Variants in FBXO46 observed in about 807,000 individuals in gnomAD.
FBXO46 encodes F-box protein 46.
A neutral mutation model predicts 30.7 loss-of-function variants in FBXO46; 13 were observed. The ratio of observed to expected loss-of-function variants is 0.42; its 90% CI spans 0.28 to 0.67. The LOEUF (loss-of-function observed/expected upper bound fraction) is 0.67. FBXO46 is among the 30% of genes least tolerant of loss of function. The probability of loss-of-function intolerance (pLI) is 0.21; values close to 1 mark genes in which losing one functional copy is unlikely to be tolerated. For synonymous variants in FBXO46, 467 were observed against 385.8 expected (o/e 1.21, Z -2.47); for missense variants, 754 against 871.5 (o/e 0.87, Z 1.70).
At chr19:45,716,069 A>T (rs1968087276) in intron 1 of FBXO46, 1 of 152,218 alleles carries the variant, frequency 6.6e-6, no homozygotes, top group Admixed American at 6.5e-5. Context: ...AGTATCTCAA[A>T]TCTGAAAATC....
intron 1 of FBXO46, among the ~76,000 whole-genome samples, chr19:45,722,564 C>A (rs574684254): frequency 3.3e-5 from 5 of 152,114 alleles, no homozygotes; most frequent in African/African-American, 1.2e-4. Flanking sequence ...AGATCGAGAC[C>A]ATCCTGGCTA....
Position 45,711,559 on chromosome 19 carries a change from T to A in FBXO46, c.*125A>T. On this transcript the variant is annotated 3_prime_UTR_variant, in exon 2 of 2. Coordinates refer to ENST00000317683, the MANE Select transcript of FBXO46 (RefSeq NM_001080469.2). ...TCACCCCTGCTGAACCCCAGCTCAGTTCCGGTGAGGGATCAATGCTGCCTG... is the reference window on the plus strand; with the variant it reads ...TCACCCCTGCTGAACCCCAGCTCAGATCCGGTGAGGGATCAATGCTGCCTG... The A allele has an allele frequency of 2.5e-6, 2 of 796,582 alleles. No individual in the cohort carries two copies. Among genetic ancestry groups the A allele is most frequent in the Non-Finnish European group, 4.2e-6 (2 of 471,750 alleles). 49.3% of individuals were successfully genotyped at this position (796,582 alleles called of 1,614,324 possible).
intron 1 of FBXO46, among the ~76,000 whole-genome samples, chr19:45,730,464 T>C (rs1364834093): frequency 6.6e-6 from 1 of 152,160 alleles, no homozygotes; most frequent in African/African-American, 2.4e-5. Context: ...ACCGTTCGCC[T>C]GTCCCTTGGA....
intron 1 of FBXO46, among the ~76,000 whole-genome samples, chr19:45,727,820 A>G (rs1167249360): frequency 6.6e-6 from 1 of 152,102 alleles, no homozygotes; most frequent in Non-Finnish European, 1.5e-5. Context: ...AAGCAAACTA[A>G]CAACAACAAC....
chr19:45,712,210 G>A lies in FBXO46; in HGVS notation c.1286C>T (p.Ala429Val). 6.2e-7 allele frequency: 1 copy of A among 1,605,262 alleles called. No homozygotes were observed. Among genetic ancestry groups the A allele is most frequent in the South Asian group, 1.1e-5 (1 of 90,734 alleles). Residue 429 changes from alanine to valine, a missense_variant, in exon 2 of 2, where the codon GCC becomes GTC. Around this residue, in one of 5 missense-constraint regions of FBXO46, gnomAD observed 454 missense variants for 426.5 expected, o/e 1.06. Coordinates refer to ENST00000317683, the MANE Select transcript of FBXO46 (RefSeq NM_001080469.2). This position sits in a 1 kb window ranked among gnomAD's most constrained non-coding sequence, Gnocchi z 8.8. ...GGCATCGTCTGGGCCGGGCGCAGTG[G>A]CCGGGGAGTCGGCCGGGGGTGGCTC... ...PPEPPPADSP[A>V]TAPGPDDAEG...
Position 45,717,917 on chromosome 19 carries a change from C to T in FBXO46, c.-78-4344G>A, listed in dbSNP as rs1183094781. Among the ~76,000 whole-genome samples, 14 of 152,308 alleles carry T rather than the reference C, an allele frequency of 9.2e-5. No individual in the cohort carries two copies. In the East Asian group the frequency reaches 2.3e-3, roughly 25 times the overall value. Reference sequence around the variant, plus strand: ...AAGCCTCTAGGCCTGGCGTTCAAGGCTCAAGCCGTGTAGCCATTCGGAGCT... The same window carrying T: ...AAGCCTCTAGGCCTGGCGTTCAAGGTTCAAGCCGTGTAGCCATTCGGAGCT... On this transcript the variant is annotated intron_variant, in intron 1 of 1. Coordinates refer to ENST00000317683, the MANE Select transcript of FBXO46 (RefSeq NM_001080469.2).
chr19:45,721,616 G>A (rs1481893365), intron 1 of FBXO46, among the ~76,000 whole-genome samples: 1 of 144,580 alleles, frequency 6.9e-6, no homozygotes, highest in African/African-American at 2.6e-5. Flanking sequence ...GCAGTGGCAC[G>A]ATCTCGGCTC....
Position 45,712,383 on chromosome 19 carries a change from C to G in FBXO46, c.1113G>C (p.Thr371=). 1 of 1,605,206 alleles carries G rather than the reference C, an allele frequency of 6.2e-7. No homozygotes were observed. The highest frequency in any genetic ancestry group is 8.5e-7 in the Non-Finnish European group (1 of 1,179,692). The change falls in exon 2 of 2, where the codon ACG becomes ACC. Residue 371 remains threonine (T), a synonymous_variant. Coordinates refer to ENST00000317683, the MANE Select transcript of FBXO46 (RefSeq NM_001080469.2). The surrounding 1 kb of genome is among the most constrained non-coding windows in gnomAD (Gnocchi z 8.8). ...ASGFHVDVVV[T]GVVDECIFFG... The stretch of plus-strand genomic sequence containing the variant: ...AGAAGATGCACTCATCTACCACGCC[C>G]GTCACCACCACGTCCACGTGGAAGC...
intron 1 of FBXO46, among the ~76,000 whole-genome samples, chr19:45,730,152 T>C (rs143989692): frequency 6.6e-6 from 1 of 152,050 alleles, no homozygotes; most frequent in Non-Finnish European, 1.5e-5. Flanking sequence ...GTACTTCTCA[T>C]AGGGATAAAC....
intron 1 of FBXO46, among the ~76,000 whole-genome samples, chr19:45,720,241 C>T (rs1968151389): frequency 6.6e-6 from 1 of 152,124 alleles, no homozygotes; most frequent in South Asian, 2.1e-4. Flanking sequence ...AAGCGATTTG[C>T]TTGCCTAAGC....
Position 45,713,371 on chromosome 19 carries a change from C to T in FBXO46, c.125G>A (p.Gly42Asp), listed in dbSNP as rs775242932. 8 of 1,612,264 alleles carry T rather than the reference C, an allele frequency of 5.0e-6. No individual in the cohort carries two copies. The highest frequency in any genetic ancestry group is 5.9e-6 in the Non-Finnish European group (7 of 1,179,022). ...LKPSACPEPGGGAEPDHGPAH... is the reference protein window; with the variant it reads ...LKPSACPEPGDGAEPDHGPAH... ...AGGCCCATGGTCTGGCTCGGCCCCG[C>T]CACCAGGCTCAGGGCAGGCTGATGG... Residue 42 changes from glycine (G) to aspartate (D), a missense_variant, in exon 2 of 2, where the codon GGC becomes GAC. Physicochemically the swap from Gly to Asp is moderately conservative, Grantham distance 94. Transcript: ENST00000317683. The surrounding 1 kb of genome is among the most constrained non-coding windows in gnomAD (Gnocchi z 4.7).
chr19:45,723,169 T>C (rs1209126567), intron 1 of FBXO46, among the ~76,000 whole-genome samples: 3 of 151,946 alleles, frequency 2.0e-5, no homozygotes, highest in African/African-American at 7.3e-5. Flanking sequence ...GCCTTGGAGA[T>C]CAAGACCAGC....
At chr19:45,728,608 G>C (rs1316775489) in intron 1 of FBXO46, among the ~76,000 whole-genome samples, 1 of 152,182 alleles carries the variant, frequency 6.6e-6, no homozygotes, top group East Asian at 1.9e-4. Flanking sequence ...GGTTGAAGCA[G>C]GAAGACCCCT....
At position 45,712,341 on chromosome 19, in the gene FBXO46, G is replaced by C. The variant is rs372767578; in HGVS notation, c.1155C>G (p.Thr385=). Reference sequence around the variant, plus strand: ...ACACAGTCTCCTCCTTCACGTTCTTGGTGCCGTCCTTGCCAAAGAAGATGC... The same window carrying C: ...ACACAGTCTCCTCCTTCACGTTCTTCGTGCCGTCCTTGCCAAAGAAGATGC... ...DECIFFGKDG[T]KNVKEETVCL... Residue 385 remains threonine (T), a synonymous_variant, in exon 2 of 2, where the codon ACC becomes ACG. Coordinates refer to ENST00000317683, the MANE Select transcript of FBXO46 (RefSeq NM_001080469.2). The surrounding 1 kb of genome is among the most constrained non-coding windows in gnomAD (Gnocchi z 8.8). 1,761 of 1,601,724 alleles carry C rather than the reference G, an allele frequency of 1.1e-3. 11 individuals carry two copies. The South Asian group carries it at 0.011, about 10-fold the overall frequency.
upstream of FBXO46, among the ~76,000 whole-genome samples, chr19:45,731,470 C>T (rs763588597): frequency 5.3e-5 from 8 of 151,920 alleles, no homozygotes; most frequent in Non-Finnish European, 1.0e-4. Context: ...GAGCCCGCCA[C>T]CACGCCCGGC....
At chr19:45,721,961 T>C (rs1968178584) in intron 1 of FBXO46, among the ~76,000 whole-genome samples, 1 of 152,050 alleles carries the variant, frequency 6.6e-6, no homozygotes, top group South Asian at 2.1e-4. Context: ...GTAGCTGGGA[T>C]TATAGGCACC....
At position 45,711,333 on chromosome 19, in the gene FBXO46, A is replaced by C; in HGVS notation, c.*351T>G. On this transcript the variant is annotated 3_prime_UTR_variant, in exon 2 of 2. Transcript: ENST00000317683. ...TGGGGGCCAGAATGGGGGGACCCTT[A>C]AGTGGTACCAAAATTAGCTGCCGTC... 2.1e-6 allele frequency: 1 copy of C among 478,300 alleles called. No homozygotes were observed. Among genetic ancestry groups the C allele is most frequent in the Non-Finnish European group, 4.0e-6 (1 of 249,628 alleles). The allele number at this position is 478,300 out of a possible 1,614,324, so 29.6% of individuals were successfully genotyped here. A position where few individuals can be genotyped will look rare whatever the true frequency, so the allele number is the denominator to read the frequency against.
At position 45,712,265 on chromosome 19, in the gene FBXO46, G is replaced by A; in HGVS notation, c.1231C>T (p.Leu411Phe). Reference sequence around the variant, plus strand: ...GGCCCGTCCGGCCCGCGGTTCTGGAGAAAGAAGAGCTGGCCCGGAGGCGGC... The same window carrying A: ...GGCCCGTCCGGCCCGCGGTTCTGGAAAAAGAAGAGCTGGCCCGGAGGCGGC... ...EPPPPGQLFFLQNRGPDGPPE... is the reference protein window; with the variant it reads ...EPPPPGQLFFFQNRGPDGPPE... The change falls in exon 2 of 2, where the codon CTC becomes TTC. Residue 411 changes from leucine to phenylalanine, a missense_variant. This residue lies in a region of FBXO46 where 454 missense variants were observed against 426.5 expected (regional missense o/e 1.06). Coordinates refer to ENST00000317683, the MANE Select transcript of FBXO46 (RefSeq NM_001080469.2). This position sits in a 1 kb window ranked among gnomAD's most constrained non-coding sequence, Gnocchi z 8.8. 6.2e-7 allele frequency: 1 copy of A among 1,604,890 alleles called. No individual in the cohort carries two copies. Among genetic ancestry groups the A allele is most frequent in the Non-Finnish European group, 8.5e-7 (1 of 1,179,400 alleles).
chr19:45,731,900 A>T (rs902674682), upstream of FBXO46, among the ~76,000 whole-genome samples: 4 of 151,398 alleles, frequency 2.6e-5, no homozygotes, highest in Middle Eastern at 3.2e-3. Context: ...GGCTGATCAC[A>T]AGGTCAGGAG....
Sources: gnomAD v4.1 joint callset for allele counts (sites outside exome capture counted in the v4.1 genomes callset) on GRCh38, gnomAD v4.1.1 for gene constraint, gnomAD v4.1.1 regional missense constraint, Gnocchi (gnomAD v3.1) non-coding constraint, MANE v1.5 for transcripts, NCBI Gene and HGNC (gene_info 2026-07-23, HGNC 2026-07-21) for gene names.